Variants in ATF7IP2 observed in about 807,000 individuals in gnomAD.
The protein encoded by ATF7IP2 is activating transcription factor 7-interacting protein 2.
A neutral mutation model predicts 64.2 loss-of-function variants in ATF7IP2; 42 were observed. The observed-to-expected ratio is 0.65, with a 90% CI of 0.51 to 0.85. The LOEUF (loss-of-function observed/expected upper bound fraction) is 0.85. Among genes scored for constraint, ATF7IP2 ranks in the 40% least tolerant of loss-of-function variants. The pLI, the probability that ATF7IP2 is intolerant of heterozygous loss-of-function variation, is 0.00. For missense variants in ATF7IP2, 933 were observed against 784.2 expected (o/e 1.19, Z -2.27); for synonymous variants, 308 against 272.8 (o/e 1.13, Z -1.27).
Position 10,427,013 on chromosome 16 carries a change from C to T in ATF7IP2, c.-159-1855C>T, listed in dbSNP as rs2048099326. 2.0e-5 allele frequency among the ~76,000 whole-genome samples: 3 copies of T among 151,960 alleles called. No individual in the cohort carries two copies. The South Asian group carries it at 6.2e-4, about 32-fold the overall frequency. On this transcript the variant is annotated intron_variant, in intron 3 of 13. Transcript: ENST00000562102. ...GAATACAGACGTGTGCCACCACACC[C>T]AGCAAATTTTTGTAGTTTTTAGTAC...
In ATF7IP2 at chr16:10,482,338, A is replaced by C; in HGVS notation, c.*89A>C. On this transcript the variant is annotated 3_prime_UTR_variant, in exon 14 of 14. Transcript: ENST00000562102. ...ATACTATTTGCCATTGTAAAAGGCC[A>C]GCTCAGATTGTGAGCCCTTTCTATT... The C allele has an allele frequency of 2.0e-6, 2 of 1,016,296 alleles. No homozygotes were observed. The highest frequency in any genetic ancestry group is 2.9e-6 in the Non-Finnish European group (2 of 698,090). The allele number at this position is 1,016,296 out of a possible 1,614,324, so 63.0% of individuals were successfully genotyped here.
At chr16:10,470,827 ATATATATATATGTGTGTG>A (rs1340994721) in intron 9 of ATF7IP2, among the ~76,000 whole-genome samples, 1 of 139,902 alleles carries the variant, frequency 7.1e-6, no homozygotes, top group Non-Finnish European at 1.5e-5. Context: ...GTGTGTGTAT[ATATATATATATGTGTGTG>A]TATATATATG....
intron 1 of ATF7IP2, among the ~76,000 whole-genome samples, chr16:10,404,735 T>TC (rs946275211): frequency 1.3e-5 from 2 of 151,964 alleles, no homozygotes; most frequent in African/African-American, 4.8e-5. Flanking sequence ...TGACAGGATT[T>TC]CCCCATGTTG....
chr16:10,397,256 G>C (rs1416784989), intron 1 of ATF7IP2, among the ~76,000 whole-genome samples: 1 of 152,106 alleles, frequency 6.6e-6, no homozygotes, highest in East Asian at 1.9e-4. Context: ...AAATTGTCTA[G>C]TATGATCCCT....
At chr16:10,409,947 A>G (rs2047719765) in intron 1 of ATF7IP2, among the ~76,000 whole-genome samples, 1 of 152,194 alleles carries the variant, frequency 6.6e-6, no homozygotes, top group Admixed American at 6.5e-5. Context: ...CTATTTTTAT[A>G]CCAGTAGCAT....
At chr16:10,479,019 G>A (rs2050114575) in intron 12 of ATF7IP2, among the ~76,000 whole-genome samples, 1 of 151,426 alleles carries the variant, frequency 6.6e-6, no homozygotes, top group Non-Finnish European at 1.5e-5. Context: ...TGGAGAGGAT[G>A]TGGAGAAATA....
intron 1 of ATF7IP2, among the ~76,000 whole-genome samples, chr16:10,409,089 T>A (rs2141804105): frequency 6.6e-6 from 1 of 152,322 alleles, no homozygotes; most frequent in South Asian, 2.1e-4. Context: ...ATGTGGCCCC[T>A]ACATCTGTGT....
chr16:10,463,683 G>A (rs1014974977), intron 9 of ATF7IP2, among the ~76,000 whole-genome samples: 1 of 152,094 alleles, frequency 6.6e-6, no homozygotes, highest in African/African-American at 2.4e-5. Context: ...TGAACTACAC[G>A]ACTTCCTACT....
chr16:10,452,006 C>T (rs569617518), intron 8 of ATF7IP2, among the ~76,000 whole-genome samples: 52 of 152,066 alleles, frequency 3.4e-4, no homozygotes, highest in African/African-American at 1.2e-3. Context: ...GAGTCGAGAT[C>T]GCTCCACTGC....
rs924677238 is a variant in ATF7IP2 at position 10,419,858 on chromosome 16, A to G, written c.-160+235A>G. Among the ~76,000 whole-genome samples the G allele has an allele frequency of 4.6e-5, 7 of 152,136 alleles. 1 individual carries two copies. The highest frequency in any genetic ancestry group is 4.6e-4 in the Admixed American group (7 of 15,274). On this transcript the variant is annotated intron_variant, in intron 3 of 13. Coordinates refer to ENST00000562102, the MANE Select transcript of ATF7IP2 (RefSeq NM_001393719.1). ...AAATTATTATTTTACCTGTTTCCCAATTTTTGTTATTGCATCTCTCCACCA... is the reference window on the plus strand; with the variant it reads ...AAATTATTATTTTACCTGTTTCCCAGTTTTTGTTATTGCATCTCTCCACCA...
At chr16:10,458,441 T>G (rs574403797) in intron 9 of ATF7IP2, among the ~76,000 whole-genome samples, 369 of 152,316 alleles carry the variant, frequency 2.4e-3, no homozygotes, top group African/African-American at 8.5e-3. Context: ...GAAAAATATA[T>G]CCAATTTAGC....
At chr16:10,478,676 C>T (rs1227942948) in intron 12 of ATF7IP2, among the ~76,000 whole-genome samples, 1 of 152,176 alleles carries the variant, frequency 6.6e-6, no homozygotes, top group Non-Finnish European at 1.5e-5. Flanking sequence ...AACTAAAGAG[C>T]TCCTGCACAG....
In ATF7IP2 at chr16:10,431,374, G is replaced by C; in HGVS notation, c.754G>C (p.Asp252His). 1 of 1,614,120 alleles carries C rather than the reference G, an allele frequency of 6.2e-7. No individual in the cohort carries two copies. Among genetic ancestry groups the C allele is most frequent in the East Asian group, 2.2e-5 (1 of 44,886 alleles). ...CTGTGCTGATGACATTTTGAAAACT[G>C]ATGAGTGTAGTAGAACCAGTATTTC... ...NNCADDILKT[D>H]ECSRTSISNC... Residue 252 changes from aspartate to histidine, a missense_variant, in exon 5 of 14, where the codon GAT becomes CAT. Transcript: ENST00000562102.
chr16:10,431,468 T>G lies in ATF7IP2; in HGVS notation c.835+13T>G, dbSNP rs1281565045. 1 of 1,494,272 alleles carries G rather than the reference T, an allele frequency of 6.7e-7. No individual in the cohort carries two copies. The allele number at this position is 1,494,272 out of a possible 1,614,324, so 92.6% of individuals were successfully genotyped here. The stretch of plus-strand genomic sequence containing the variant: ...ACTAATAACAACAGTAAGTATATAC[T>G]TATGCACCTTTTAGAAAAATTAAAA... On this transcript the variant is annotated intron_variant, in intron 5 of 13. Transcript: ENST00000562102.
chr16:10,430,707 G>C lies in ATF7IP2; in HGVS notation c.87G>C (p.Leu29=), dbSNP rs138453051. The change falls in exon 5 of 14, where the codon CTG becomes CTC. Residue 29 remains leucine (L), a synonymous_variant. Coordinates refer to ENST00000562102, the MANE Select transcript of ATF7IP2 (RefSeq NM_001393719.1). ...PLSCRKQVEM[L]NKSRNVEALK... is the part of the protein sequence containing the mutation. Reference sequence around the variant, plus strand: ...GTTGCCGGAAGCAAGTAGAGATGCTGAATAAGTCAAGGAATGTTGAAGCGC... The same window carrying C: ...GTTGCCGGAAGCAAGTAGAGATGCTCAATAAGTCAAGGAATGTTGAAGCGC... The C allele has an allele frequency of 6.2e-7, 1 of 1,614,130 alleles. No individual in the cohort carries two copies. Among genetic ancestry groups the C allele is most frequent in the Admixed American group, 1.7e-5 (1 of 60,020 alleles).
chr16:10,477,706 A>G (rs1205919245), intron 12 of ATF7IP2, among the ~76,000 whole-genome samples: 2 of 151,848 alleles, frequency 1.3e-5, no homozygotes, highest in African/African-American at 4.8e-5. Context: ...AGGAAGTCAA[A>G]TTGTCCCTGT....
chr16:10,429,892 GC>G (rs2048189814), intron 4 of ATF7IP2, among the ~76,000 whole-genome samples: 1 of 144,428 alleles, frequency 6.9e-6, no homozygotes, highest in Non-Finnish European at 1.5e-5. Context: ...TCACTCTGTT[GC>G]CCAAGCTGGA....
intron 1 of ATF7IP2, among the ~76,000 whole-genome samples, chr16:10,410,333 TTTTGTTTTGTTTTGTTTTG>T (rs2047730167): frequency 2.2e-5 from 3 of 136,790 alleles, no homozygotes; most frequent in African/African-American, 1.0e-4. Context: ...TTTTGTTTTG[TTTTGTTTTGTTTTGTTTTG>T]TTTTGTTTTT....
chr16:10,475,541 A>C (rs1448889656), intron 12 of ATF7IP2, among the ~76,000 whole-genome samples: 1 of 151,960 alleles, frequency 6.6e-6, no homozygotes, highest in Admixed American at 6.6e-5. Context: ...AATACAAAAA[A>C]AATTAGCCGG....
Sources: allele counts gnomAD v4.1 joint callset (sites outside exome capture counted in the v4.1 genomes callset), GRCh38; gene constraint gnomAD v4.1.1; transcripts MANE v1.5; gene names NCBI Gene and HGNC (gene_info 2026-07-23, HGNC 2026-07-21).